TRPM4: variants seen among roughly 807,000 people sequenced by gnomAD.
The protein encoded by TRPM4 is transient receptor potential cation channel subfamily M member 4.
TRPM4 carries 124 observed loss-of-function variants against 135.6 expected under a neutral mutation model. That is an observed-to-expected ratio of 0.91 (90% CI 0.79 to 1.06). The LOEUF is 1.06. Ranked by LOEUF, TRPM4 falls within the 50% of genes least tolerant of loss-of-function variation. The pLI is 0.00. For synonymous variants in TRPM4, 745 were observed against 705.6 expected, an observed-to-expected ratio of 1.06 and a Z score of -0.88; for missense variants, 1,658 against 1,671.4, an observed-to-expected ratio of 0.99 and a Z score of 0.14.
At position 49,166,072 on chromosome 19, in the gene TRPM4, A is replaced by G. The variant is rs762111515; in HGVS notation, c.124A>G (p.Thr42Ala). 2.5e-6 allele frequency: 4 copies of G among 1,600,794 alleles called. No homozygotes were observed. The highest frequency in any genetic ancestry group is 1.3e-5 in the African/African-American group (1 of 74,756). ...GTLCQCGRPRTAHPAVAMEDA... is the reference protein window; with the variant it reads ...GTLCQCGRPRAAHPAVAMEDA... ...CTTGTGCCAGTGTGGGCGCCCCCGG[A>G]CCGCCCACCCCGCAGTGGCCATGGA... is the stretch of plus-strand genomic sequence containing the variant. The change falls in exon 3 of 25, where the codon ACC (threonine) becomes GCC (alanine). Residue 42 changes from threonine (T) to alanine (A), a missense_variant. Physicochemically the swap from Thr to Ala is moderately conservative, Grantham distance 58. Around this residue, in one of 3 missense-constraint regions of TRPM4, gnomAD observed 239 missense variants for 240.1 expected, o/e 1.00. Coordinates refer to ENST00000252826, the MANE Select transcript of TRPM4 (RefSeq NM_017636.4).
chr19:49,168,614 T>C lies in TRPM4; in HGVS notation c.674T>C (p.Leu225Pro). ...CCGGAGGACGGGGTCCAGTTTCCCC[T>C]GGACTACAACTACTCGGCCTTCTTC... ...GDPEDGVQFP[L>P]DYNYSAFFLV... The change falls in exon 6 of 25, where the codon CTG becomes CCG. Residue 225 changes from leucine (L) to proline (P), a missense_variant. Physicochemically the swap from Leu to Pro is moderately conservative, Grantham distance 98. Coordinates refer to ENST00000252826, the MANE Select transcript of TRPM4 (RefSeq NM_017636.4). The C allele has an allele frequency of 6.2e-7, 1 of 1,613,728 alleles. No individual in the cohort carries two copies.
chr19:49,170,715 C>G (rs1268319587), intron 6 of TRPM4, among the ~76,000 whole-genome samples: 1 of 152,158 alleles, frequency 6.6e-6, no homozygotes, highest in Non-Finnish European at 1.5e-5. Flanking sequence ...TCTAGGTCCT[C>G]AGCCCCCTCC....
In TRPM4 at chr19:49,182,703, C is replaced by G. The variant is rs1968028464; in HGVS notation, c.1389C>G (p.Leu463=). The G allele has an allele frequency of 6.2e-7, 1 of 1,614,022 alleles. No individual in the cohort carries two copies. The highest frequency in any genetic ancestry group is 8.5e-7 in the Non-Finnish European group (1 of 1,180,006). The change falls in exon 11 of 25, where the codon CTC becomes CTG. Residue 463 remains leucine (L), a synonymous_variant. Transcript: ENST00000252826. ...HFLTPMRLAQ[L]YSAAPSNSLI... is the part of the protein sequence containing the mutation. ...TGACCCCGATGCGCCTGGCCCAACT[C>G]TACAGCGCGGCGCCCTCCAACTCGC...
At chr19:49,181,514 C>T in intron 10 of TRPM4, 53 bp downstream of exon 10, 1 of 1,185,642 alleles carries the variant, frequency 8.4e-7, no homozygotes, top group Non-Finnish European at 1.2e-6. Flanking sequence ...ACTGTGCTGT[C>T]CTCCCTCTCT....
chr19:49,164,726 TTC>T (rs1368477147), intron 2 of TRPM4, among the ~76,000 whole-genome samples: 6 of 145,434 alleles, frequency 4.1e-5, no homozygotes, highest in African/African-American at 1.5e-4. Flanking sequence ...TTGCTTGCTT[TTC>T]TTTCCTTCTT....
Position 49,171,850 on chromosome 19 carries a change from G to T in TRPM4, c.1050+81G>T. Reference sequence around the variant, plus strand: ...GGGCTCCTGGGTCTGAGGGAGGAGGGGCTGGGGGCCTGGACTTCCAGGTTC... The same window carrying T: ...GGGCTCCTGGGTCTGAGGGAGGAGGTGCTGGGGGCCTGGACTTCCAGGTTC... On this transcript the variant is annotated intron_variant, in intron 8 of 24. Coordinates refer to ENST00000252826, the MANE Select transcript of TRPM4 (RefSeq NM_017636.4). The surrounding 1 kb of genome is among the most constrained non-coding windows in gnomAD (Gnocchi z 4.7). The T allele has an allele frequency of 6.6e-7, 1 of 1,506,608 alleles. No individual in the cohort carries two copies. Among genetic ancestry groups the T allele is most frequent in the Non-Finnish European group, 9.1e-7 (1 of 1,096,486 alleles). The allele number at this position is 1,506,608 out of a possible 1,614,324, so 93.3% of individuals were successfully genotyped here.
At chr19:49,186,369 C>T (rs2122967369) in intron 12 of TRPM4, among the ~76,000 whole-genome samples, 2 of 152,316 alleles carry the variant, frequency 1.3e-5, no homozygotes, top group South Asian at 2.1e-4. Context: ...TTCAGGTTTT[C>T]TCTGGTATTT....
chr19:49,162,400 A>G (rs1474508352), intron 2 of TRPM4, among the ~76,000 whole-genome samples: 1 of 152,062 alleles, frequency 6.6e-6, no homozygotes, highest in East Asian at 1.9e-4. Context: ...CTAGCCAGGT[A>G]CTGTGGCACA....
In TRPM4 at chr19:49,210,579, G is replaced by A; in HGVS notation, c.3329-131G>A. 1 of 1,483,462 alleles carries A rather than the reference G, an allele frequency of 6.7e-7. No homozygotes were observed. The highest frequency in any genetic ancestry group is 9.3e-7 in the Non-Finnish European group (1 of 1,075,682). The allele number at this position is 1,483,462 out of a possible 1,614,324, so 91.9% of individuals were successfully genotyped here. A position where few individuals can be genotyped will look rare whatever the true frequency, so the allele number is the denominator to read the frequency against. On this transcript the variant is annotated intron_variant, in intron 21 of 24. Transcript: ENST00000252826. This position sits in a 1 kb window ranked among gnomAD's most constrained non-coding sequence, Gnocchi z 4.1. ...CTGAGGGGCAGTGCTTACGGGTGAG[G>A]GGCGGGGCATGTTCTCGAATCACCA...
chr19:49,165,466 G>A (rs577276148), intron 2 of TRPM4, among the ~76,000 whole-genome samples: 22 of 152,250 alleles, frequency 1.4e-4, no homozygotes, highest in Middle Eastern at 3.4e-3. Flanking sequence ...TGTGAAGTTC[G>A]TGTCGCGTTG....
intron 20 of TRPM4, among the ~76,000 whole-genome samples, chr19:49,209,869 C>T (rs967222427): frequency 6.6e-6 from 1 of 151,894 alleles, no homozygotes; most frequent in Admixed American, 6.6e-5. Context: ...CTGCCTCAGC[C>T]TCCCCAGTAG....
At position 49,196,622 on chromosome 19, in the gene TRPM4, C is replaced by A; in HGVS notation, c.2393C>A (p.Ser798Ter). 2 of 1,553,332 alleles carry A rather than the reference C, an allele frequency of 1.3e-6. No homozygotes were observed. The highest frequency in any genetic ancestry group is 2.4e-5 in the East Asian group (1 of 41,784). Residue 798 changes from serine to a stop codon, truncating the protein, a stop_gained, in exon 17 of 25, where the codon TCG becomes TAG. Coordinates refer to ENST00000252826, the MANE Select transcript of TRPM4 (RefSeq NM_017636.4). LOFTEE classifies it high-confidence loss of function. ...VSYLLFLLLF[S>*]RVLLVDFQPA... The stretch of plus-strand genomic sequence containing the variant: ...TACCTGCTGTTCCTGCTGCTTTTCT[C>A]GCGGGTGCTGCTCGTGGATTTCCAG...
rs747802314 is a variant in TRPM4, at chr19:49,172,108, G to C, written c.1150G>C (p.Ala384Pro). 23 of 1,611,124 alleles carry C rather than the reference G, an allele frequency of 1.4e-5. No homozygotes were observed. The South Asian group carries it at 2.4e-4, about 17-fold the overall frequency. ...ETIVLKALVK[A>P]CGSSEASAYL... ...CATAGTTTTGAAGGCCCTTGTGAAG[G>C]GTAAAAGTTGTACCCTCCAGTCTTC... Residue 384 changes from alanine (A) to proline (P), a missense_variant and splice_region_variant, in exon 9 of 25, where the codon GCC becomes CCC. Ala to Pro is a conservative substitution (Grantham distance 27). Around this residue, in one of 3 missense-constraint regions of TRPM4, gnomAD observed 1,412 missense variants for 1,408.7 expected, o/e 1.00. Transcript: ENST00000252826.
intron 10 of TRPM4, among the ~76,000 whole-genome samples, chr19:49,181,778 C>T (rs541204378): frequency 5.3e-5 from 8 of 151,990 alleles, no homozygotes; most frequent in South Asian, 4.2e-4. Flanking sequence ...GTGATCCGCC[C>T]GCCTCAGGCT....
chr19:49,190,017 T>C (rs1432031147), intron 14 of TRPM4, among the ~76,000 whole-genome samples, 191 bp from the exon 15 acceptor site: 2 of 152,216 alleles, frequency 1.3e-5, no homozygotes, highest in African/African-American at 4.8e-5. Context: ...AATTTAAGTG[T>C]TGACTGTTTA....
intron 10 of TRPM4, 82 bp from the exon 11 acceptor site, chr19:49,182,483 TCCATCCATCCATC>T (rs1207274236): frequency 1.2e-5 from 11 of 911,694 alleles, no homozygotes; most frequent in Non-Finnish European, 1.9e-5. Flanking sequence ...CATCCATCCA[TCCATCCATCCATC>T]CATCCGTCCC....
rs1001831520 is a variant in TRPM4 at position 49,197,638 on chromosome 19, C to G, written c.2645+764C>G. On this transcript the variant is annotated intron_variant, in intron 17 of 24. Transcript: ENST00000252826. ...CAAACAGAAAAGTTTGTGGATACAA[C>G]CTGGTGACTGGTTTTTTGTTTGTTT... Among the ~76,000 whole-genome samples, 37 of 151,288 alleles carry G rather than the reference C, an allele frequency of 2.4e-4. 1 individual carries two copies. The highest frequency in any genetic ancestry group is 8.8e-5 in the Non-Finnish European group (6 of 67,896).
chr19:49,186,764 T>C (rs1279413256), intron 12 of TRPM4, among the ~76,000 whole-genome samples: 3 of 151,628 alleles, frequency 2.0e-5, no homozygotes, highest in African/African-American at 7.3e-5. Context: ...TTCCAGCTAC[T>C]CGGGAGGCTG....
In TRPM4 at chr19:49,211,175, T is replaced by TAC; in HGVS notation, c.3547_3548insCA (p.Ser1183ThrfsTer12). On this transcript the variant is annotated frameshift_variant, in exon 24 of 25. Transcript: ENST00000252826. LOFTEE classifies it high-confidence loss of function. This position sits in a 1 kb window ranked among gnomAD's most constrained non-coding sequence, Gnocchi z 4.8. ...CTCCCATTCCGCAGGTCCAGCAGTGTAGCCGCGTCCTGGGGTGGGTGGCCG... is the reference window on the plus strand; with the variant it reads ...CTCCCATTCCGCAGGTCCAGCAGTGTACAGCCGCGTCCTGGGGTGGGTGGCCG... 2.5e-6 allele frequency: 4 copies of TAC among 1,605,688 alleles called. No individual in the cohort carries two copies. Among genetic ancestry groups the TAC allele is most frequent in the Non-Finnish European group, 3.4e-6 (4 of 1,176,708 alleles).
Sources: allele counts gnomAD v4.1 joint callset (sites outside exome capture counted in the v4.1 genomes callset), GRCh38; gene constraint gnomAD v4.1.1; regional missense constraint gnomAD v4.1.1; non-coding constraint Gnocchi (gnomAD v3.1); transcripts MANE v1.5; gene names NCBI Gene and HGNC (gene_info 2026-07-23, HGNC 2026-07-21).